DPP6: variants seen among roughly 807,000 people sequenced by gnomAD.
The protein encoded by DPP6 is A-type potassium channel modulatory protein DPP6.
DPP6 carries 69 observed loss-of-function variants against 122.6 expected under a neutral mutation model. That is an observed-to-expected ratio of 0.56 (90% CI 0.46 to 0.69). The LOEUF (loss-of-function observed/expected upper bound fraction) is 0.69, where lower values mean the gene tolerates loss of function less well. Among genes scored for constraint, DPP6 ranks in the 30% least tolerant of loss-of-function variants. DPP6 has a pLI of 0.00. For missense variants in DPP6, 928 were observed against 1,116.9 expected, an observed-to-expected ratio of 0.83 and a Z score of 2.41; for synonymous variants, 418 against 433.1, an observed-to-expected ratio of 0.97 and a Z score of 0.43.
intron 1 of DPP6, among the ~76,000 whole-genome samples, chr7:154,373,480 C>T (rs1464375938): frequency 6.6e-6 from 1 of 152,202 alleles, no homozygotes; most frequent in East Asian, 1.9e-4. Context: ...ATGCTAGCTC[C>T]CTCCTCAGTG....
At chr7:154,585,879 C>T (rs955331124) in intron 5 of DPP6, among the ~76,000 whole-genome samples, 8 of 152,092 alleles carry the variant, frequency 5.3e-5, no homozygotes, top group Non-Finnish European at 1.0e-4. Context: ...GGGCGGGAGC[C>T]TACAGGAAGC....
chr7:154,265,079 ATGATG>A (rs1479156829), intron 1 of DPP6, among the ~76,000 whole-genome samples: 308 of 1,238 alleles, frequency 0.25, 19 homozygotes, highest in African/African-American at 0.39. Context: ...AATGGTGATG[ATGATG>A]GTGATGATGA....
chr7:154,400,678 A>G (rs1815495829), intron 1 of DPP6, among the ~76,000 whole-genome samples: 1 of 152,246 alleles, frequency 6.6e-6, no homozygotes, highest in African/African-American at 2.4e-5. Context: ...AATCACACAT[A>G]CACATACAAA....
At chr7:154,554,529 A>G (rs1829876947) in intron 4 of DPP6, among the ~76,000 whole-genome samples, 1 of 151,716 alleles carries the variant, frequency 6.6e-6, no homozygotes, top group Non-Finnish European at 1.5e-5. Flanking sequence ...TTATTATCAC[A>G]TATGTATTTA....
chr7:154,007,427 T>C (rs1343127203), intron 1 of DPP6, among the ~76,000 whole-genome samples: 2 of 152,096 alleles, frequency 1.3e-5, no homozygotes, highest in Middle Eastern at 3.2e-3. Flanking sequence ...CTGCTCTGCT[T>C]GGTCATTCAG....
intron 1 of DPP6, among the ~76,000 whole-genome samples, chr7:154,334,131 G>C (rs146759609): frequency 1.3e-5 from 2 of 151,218 alleles, no homozygotes; most frequent in Admixed American, 1.3e-4. Flanking sequence ...AATATGGGCT[G>C]ACCAAATTTA....
intron 1 of DPP6, among the ~76,000 whole-genome samples, chr7:154,347,498 A>G (rs1288097219): frequency 6.6e-6 from 1 of 152,200 alleles, no homozygotes; most frequent in Non-Finnish European, 1.5e-5. Flanking sequence ...AATAAACTAT[A>G]ATTTATCTTT....
At chr7:153,898,868 T>C (rs1202513048) in intron 1 of DPP6, among the ~76,000 whole-genome samples, 1 of 152,228 alleles carries the variant, frequency 6.6e-6, no homozygotes, top group Non-Finnish European at 1.5e-5. Context: ...TGTGAGCATC[T>C]TTTCTGTGCT....
chr7:153,798,063 T>C, the DPP6 span, among the ~76,000 whole-genome samples: 219 of 152,160 alleles, frequency 1.4e-3, 1 homozygote, highest in African/African-American at 4.6e-3. Context: ...AGGATGGTCT[T>C]GATCTCCTGA....
intron 5 of DPP6, among the ~76,000 whole-genome samples, chr7:154,600,817 C>T (rs556496113): frequency 1.6e-5 from 2 of 121,714 alleles, no homozygotes; most frequent in African/African-American, 5.2e-5. Flanking sequence ...TGCAGCCAGG[C>T]GCAGTGGCTC....
At chr7:154,759,401 C>T (rs11243315) in intron 8 of DPP6, among the ~76,000 whole-genome samples, 9,989 of 152,268 alleles carry the variant, frequency 0.066, 1,115 homozygotes, top group African/African-American at 0.23. Context: ...AGCACGGGGA[C>T]GTTCTCCCAG....
At chr7:154,556,987 A>G (rs1351771906) in intron 4 of DPP6, among the ~76,000 whole-genome samples, 3 of 152,234 alleles carry the variant, frequency 2.0e-5, no homozygotes, top group African/African-American at 4.8e-5. Flanking sequence ...CAAAATTTGT[A>G]CAACTGCTAC....
At chr7:154,318,802 C>G (rs935582078) in intron 1 of DPP6, among the ~76,000 whole-genome samples, 2 of 152,162 alleles carry the variant, frequency 1.3e-5, no homozygotes, top group South Asian at 2.1e-4. Context: ...TACCCCACCC[C>G]CCCCAAGCCA....
chr7:154,249,507 T>C (rs548072884), intron 1 of DPP6, among the ~76,000 whole-genome samples: 93 of 152,308 alleles, frequency 6.1e-4, no homozygotes, highest in Middle Eastern at 3.4e-3. Flanking sequence ...CTTGAGAGAG[T>C]TTAAATATCA....
chr7:154,027,319 T>A (rs184225344), intron 1 of DPP6, among the ~76,000 whole-genome samples: 13 of 152,366 alleles, frequency 8.5e-5, no homozygotes, highest in African/African-American at 3.1e-4. Context: ...TTTGGTCATG[T>A]TAACTTACTT....
rs559007565 is a variant in DPP6, at chr7:154,770,521, G to T, written c.1038+950G>T. ...TCTGATTCCACCATGTGACCATACA[G>T]CAAGAAAGCGTCCTCTGTGAACCAG... is the stretch of plus-strand genomic sequence containing the variant. On this transcript the variant is annotated intron_variant, in intron 9 of 25. Coordinates refer to ENST00000377770, the MANE Select transcript of DPP6 (RefSeq NM_130797.4). Among the ~76,000 whole-genome samples, 168 of 152,266 alleles carry T rather than the reference G, an allele frequency of 1.1e-3. 5 individuals carry two copies. In the South Asian group the frequency reaches 0.034, roughly 31 times the overall value.
intron 1 of DPP6, among the ~76,000 whole-genome samples, chr7:154,017,718 AT>A (rs1283859045): frequency 1.5e-4 from 18 of 121,044 alleles, no homozygotes; most frequent in African/African-American, 6.8e-4. Flanking sequence ...TAAAAAAAAA[AT>A]AAAAAAATAA....
At chr7:154,796,150 C>A in intron 12 of DPP6, 1 of 471,082 alleles carries the variant, frequency 2.1e-6, no homozygotes, top group Non-Finnish European at 3.7e-6. Context: ...GAGACCTCAG[C>A]TTGCAGTTAG....
At chr7:153,909,037 C>T (rs1330538696) in intron 1 of DPP6, among the ~76,000 whole-genome samples, 2 of 152,226 alleles carry the variant, frequency 1.3e-5, no homozygotes, top group Non-Finnish European at 1.5e-5. Flanking sequence ...CAGGCATGAG[C>T]CACTGTGCTC....
Sources: gnomAD v4.1 joint callset for allele counts (sites outside exome capture counted in the v4.1 genomes callset) on GRCh38, gnomAD v4.1.1 for gene constraint, MANE v1.5 for transcripts, NCBI Gene and HGNC (gene_info 2026-07-23, HGNC 2026-07-21) for gene names.